Variants in RHOT2 observed in about 807,000 individuals in gnomAD.
RHOT2 encodes ras homolog family member T2.
In RHOT2, 90 loss-of-function variants were observed where a neutral mutation model predicts 81.6. That is an observed-to-expected ratio of 1.10 (90% CI 0.93 to 1.31). RHOT2 has a LOEUF of 1.31. RHOT2 is among the 40% of genes most tolerant of loss of function. The pLI is 0.00. For synonymous variants in RHOT2, 512 were observed against 370.9 expected, an observed-to-expected ratio of 1.38 and a Z score of -4.37; for missense variants, 1,014 against 841.9, an observed-to-expected ratio of 1.20 and a Z score of -2.53.
intron 2 of RHOT2, 27 bp from the exon 3 acceptor site, chr16:668,461 C>G (rs1490590317): frequency 6.3e-7 from 1 of 1,589,082 alleles, no homozygotes; most frequent in Admixed American, 1.7e-5. Flanking sequence ...GCCGGGGGTC[C>G]CTGGTGAGCG....
chr16:671,342 C>T, intron 11 of RHOT2, 139 bp downstream of exon 11: 2 of 1,267,928 alleles, frequency 1.6e-6, no homozygotes, highest in African/African-American at 1.5e-5. Context: ...CTCAGCAGGC[C>T]ATCTGGGGTC....
rs376740601 is a variant in RHOT2 at position 671,117 on chromosome 16, C to T, written c.783C>T (p.Arg261=). 5.2e-5 allele frequency: 84 copies of T among 1,608,240 alleles called. No homozygotes were observed. The highest frequency in any genetic ancestry group is 5.2e-4 in the African/African-American group (39 of 74,820). The change falls in exon 11 of 19, where the codon CGC becomes CGT. Residue 261 remains arginine, a synonymous_variant. Coordinates refer to ENST00000315082, the MANE Select transcript of RHOT2 (RefSeq NM_138769.3). ...FLFLNTLFIQ[R]GRHETTWTIL... is the part of the protein sequence containing the mutation. ...TCCTGAACACGCTCTTCATCCAGCG[C>T]GGCCGGCACGAGACCACCTGGACCA...
intron 4 of RHOT2, 176 bp downstream of exon 4, chr16:668,875 G>A (rs1278302183): frequency 3.2e-6 from 2 of 618,040 alleles, no homozygotes; most frequent in Non-Finnish European, 5.5e-6. Context: ...AGCCGGCACC[G>A]CTCAGTCCAG....
intron 12 of RHOT2, 36 bp from the exon 13 acceptor site, chr16:671,824 C>A: frequency 6.2e-7 from 1 of 1,604,766 alleles, no homozygotes; most frequent in Non-Finnish European, 8.5e-7. Flanking sequence ...CCGCCCCCTC[C>A]CCGGCACACA....
Position 673,585 on chromosome 16 carries a change from G to A in RHOT2, c.1836G>A (p.Arg612=). Residue 612 remains arginine, a synonymous_variant, in exon 19 of 19, where the codon AGG becomes AGA. Coordinates refer to ENST00000315082, the MANE Select transcript of RHOT2 (RefSeq NM_138769.3). ...VAAVLSFSLY[R]VLVKSQ is the part of the protein sequence containing the mutation. Reference sequence around the variant, plus strand: ...CAGTCCTCAGCTTCTCACTCTACAGGGTCCTGGTGAAGAGCCAGTGAGGCC... The same window carrying A: ...CAGTCCTCAGCTTCTCACTCTACAGAGTCCTGGTGAAGAGCCAGTGAGGCC... 3 of 1,609,216 alleles carry A rather than the reference G, an allele frequency of 1.9e-6. No individual in the cohort carries two copies. The highest frequency in any genetic ancestry group is 2.5e-6 in the Non-Finnish European group (3 of 1,179,016).
In RHOT2 at chr16:668,177, G is replaced by C. The variant is rs770621208; in HGVS notation, c.-23G>C. ...CAGGTCGGGGCCGGGTTCCGGGTCGGGGAGCGGCTCCGGGCGGCAGCTATG... is the reference window on the plus strand; with the variant it reads ...CAGGTCGGGGCCGGGTTCCGGGTCGCGGAGCGGCTCCGGGCGGCAGCTATG... On this transcript the variant is annotated 5_prime_UTR_variant, in exon 1 of 19. Coordinates refer to ENST00000315082, the MANE Select transcript of RHOT2 (RefSeq NM_138769.3). 13 of 460,808 alleles carry C rather than the reference G, an allele frequency of 2.8e-5. No individual in the cohort carries two copies. The highest frequency in any genetic ancestry group is 3.4e-5 in the Non-Finnish European group (9 of 266,046). 28.5% of individuals were successfully genotyped at this position (460,808 alleles called of 1,614,324 possible).
intron 4 of RHOT2, chr16:669,230 C>T (rs1210661054): frequency 2.0e-6 from 1 of 490,110 alleles, no homozygotes; most frequent in African/African-American, 1.9e-5. Context: ...CCGTGTCTGT[C>T]CTGAGCCCTC....
intron 11 of RHOT2, 47 bp downstream of exon 11, chr16:671,250 G>T: frequency 6.6e-7 from 1 of 1,512,418 alleles, no homozygotes; most frequent in Non-Finnish European, 8.8e-7. Context: ...AGGGTCAGGA[G>T]CTGACTGCCG....
intron 5 of RHOT2, 91 bp from the exon 6 acceptor site, chr16:670,032 C>G (rs1377424066): frequency 9.5e-6 from 12 of 1,267,340 alleles, no homozygotes; most frequent in African/African-American, 3.0e-5. Flanking sequence ...TTGACCTCCC[C>G]CTTCTGCTCT....
Position 668,238 on chromosome 16 carries a change from T to C in RHOT2, c.37+2T>C. On this transcript the variant is annotated splice_donor_variant, in intron 1 of 18. Transcript: ENST00000315082. LOFTEE classifies it high-confidence loss of function. ...TGCGCATCCTGTTACTGGGCGAGGG[T>C]AGGCGCCGGCCCGGGGGTCTCGGAG... 3.0e-6 allele frequency: 2 copies of C among 668,982 alleles called. No individual in the cohort carries two copies. Among genetic ancestry groups the C allele is most frequent in the South Asian group, 3.4e-5 (1 of 29,640 alleles). The allele number at this position is 668,982 out of a possible 1,614,324, so 41.4% of individuals were successfully genotyped here.
In RHOT2 at chr16:673,027, T is replaced by G; in HGVS notation, c.1627T>G (p.Cys543Gly). Residue 543 changes from cysteine to glycine, a missense_variant, in exon 18 of 19, where the codon TGC (cysteine) becomes GGC (glycine). Cys to Gly is a radical substitution (Grantham distance 159). Coordinates refer to ENST00000315082, the MANE Select transcript of RHOT2 (RefSeq NM_138769.3). Reference protein sequence around the residue: ...AVSGPSPAEFCRKHRLPAPVP... With the variant: ...AVSGPSPAEFGRKHRLPAPVP... Reference sequence around the variant, plus strand: ...GTCTGGCCCATCACCGGCCGAGTTTTGCCGCAAGCACCGGCTACCCGCTCC... The same window carrying G: ...GTCTGGCCCATCACCGGCCGAGTTTGGCCGCAAGCACCGGCTACCCGCTCC... The G allele has an allele frequency of 6.2e-7, 1 of 1,612,418 alleles. No homozygotes were observed. Among genetic ancestry groups the G allele is most frequent in the Non-Finnish European group, 8.5e-7 (1 of 1,179,956 alleles).
intron 1 of RHOT2, 39 bp from the exon 2 acceptor site, chr16:668,314 T>TATCATTA: frequency 3.1e-6 from 4 of 1,275,204 alleles, no homozygotes; most frequent in Non-Finnish European, 3.0e-6. Flanking sequence ...GGGGGCGCCG[T>TATCATTA]GACCTTGGCC....
chr16:673,761 G>A lies in RHOT2; in HGVS notation c.*155G>A. 1.1e-6 allele frequency: 1 copy of A among 934,178 alleles called. No homozygotes were observed. Among genetic ancestry groups the A allele is most frequent in the South Asian group, 1.7e-5 (1 of 57,860 alleles). 57.9% of individuals were successfully genotyped at this position (934,178 alleles called of 1,614,324 possible). On this transcript the variant is annotated 3_prime_UTR_variant, in exon 19 of 19. Coordinates refer to ENST00000315082, the MANE Select transcript of RHOT2 (RefSeq NM_138769.3). The stretch of plus-strand genomic sequence containing the variant: ...TTCTGAAGGCAGTCGATCTGCAGCG[G>A]GGCCTTATGCTGCCATGCACTGCCC...
At chr16:671,293 T>G in intron 11 of RHOT2, 90 bp downstream of exon 11, 1 of 1,471,338 alleles carries the variant, frequency 6.8e-7, no homozygotes, top group Non-Finnish European at 9.0e-7. Flanking sequence ...GACGCTGGGG[T>G]TTGAGGCCTG....
Position 672,118 on chromosome 16 carries a change from G to C in RHOT2, c.1132G>C (p.Gly378Arg). The change falls in exon 14 of 19, where the codon GGA becomes CGA. Residue 378 changes from glycine (G) to arginine (R), a missense_variant. By Grantham distance (125) the Gly-to-Arg change is moderately radical. Coordinates refer to ENST00000315082, the MANE Select transcript of RHOT2 (RefSeq NM_138769.3). The stretch of plus-strand genomic sequence containing the variant: ...CTACCTGGACGTCCGGAGCTGCCTT[G>C]GACACCTAGGCTACCTGGGCTACCC... Reference protein sequence around the residue: ...VTYLDVRSCLGHLGYLGYPTL... With the variant: ...VTYLDVRSCLRHLGYLGYPTL... The C allele has an allele frequency of 6.2e-7, 1 of 1,611,994 alleles. No individual in the cohort carries two copies. Among genetic ancestry groups the C allele is most frequent in the Non-Finnish European group, 8.5e-7 (1 of 1,179,746 alleles).
intron 5 of RHOT2, 179 bp from the exon 6 acceptor site, chr16:669,944 C>T: frequency 1.6e-6 from 1 of 634,410 alleles, no homozygotes; most frequent in Non-Finnish European, 2.7e-6. Flanking sequence ...TGGGGTCAGA[C>T]AGATGAGGCT....
intron 8 of RHOT2, 26 bp downstream of exon 8, chr16:670,583 G>C (rs757487836): frequency 6.3e-7 from 1 of 1,595,798 alleles, no homozygotes; most frequent in Non-Finnish European, 8.6e-7. Flanking sequence ...GGCCCCGCAC[G>C]CTGGTTCCCC....
At position 668,474 on chromosome 16, in the gene RHOT2, C is replaced by T. The variant is rs370016255; in HGVS notation, c.97-14C>T. ...CAGCCGGGGGTCCCTGGTGAGCGCG[C>T]GGGTCCCTTGCAGGTCCCTCCCCGC... On this transcript the variant is annotated splice_polypyrimidine_tract_variant and intron_variant, in intron 2 of 18. Coordinates refer to ENST00000315082, the MANE Select transcript of RHOT2 (RefSeq NM_138769.3). The T allele has an allele frequency of 8.1e-6, 13 of 1,597,498 alleles. No individual in the cohort carries two copies. The highest frequency in any genetic ancestry group is 2.3e-5 in the East Asian group (1 of 43,862).
chr16:673,258 G>A lies in RHOT2; in HGVS notation c.1730+128G>A, dbSNP rs188249903. ...CATCCGAGCAGTGGGCAGCAGTGGC[G>A]TCAGGCCTGGAACTGGGGCCAGAGT... On this transcript the variant is annotated intron_variant, in intron 18 of 18. Transcript: ENST00000315082. The A allele has an allele frequency of 1.2e-4, 151 of 1,283,012 alleles. 1 individual carries two copies. The African/African-American group carries it at 1.3e-3, about 11-fold the overall frequency. 79.5% of individuals were successfully genotyped at this position (1,283,012 alleles called of 1,614,324 possible).
Sources: allele counts gnomAD v4.1 joint callset, GRCh38; gene constraint gnomAD v4.1.1; transcripts MANE v1.5; gene names NCBI Gene and HGNC (gene_info 2026-07-23, HGNC 2026-07-21).